KCNK16: variants seen among roughly 807,000 people sequenced by gnomAD.
KCNK16 encodes potassium channel subfamily K member 16.
A neutral mutation model predicts 23.0 loss-of-function variants in KCNK16; 23 were observed. The ratio of observed to expected loss-of-function variants is 1.00; its 90% CI spans 0.72 to 1.41. The LOEUF (loss-of-function observed/expected upper bound fraction) is 1.41. Ranked by LOEUF, KCNK16 falls within the 40% of genes most tolerant of loss-of-function variation. The pLI is 0.00. For missense variants in KCNK16, 327 were observed against 365.8 expected (o/e 0.89, Z 0.87); for synonymous variants, 145 against 153.5 (o/e 0.94, Z 0.41).
In KCNK16 at chr6:39,317,839, G is replaced by A. The variant is rs573155830; in HGVS notation, c.442C>T (p.Arg148Cys). ...IFLNHLGTGL[R>C]AHLAAIERWE... ...CTTTCAATGGCGGCCAGATGGGCAC[G>A]CAGCCCTGTGCCCAGGTGGTTGAGG... The change falls in exon 3 of 5, where the codon CGT (arginine) becomes TGT (cysteine). Residue 148 changes from arginine to cysteine, a missense_variant. Physicochemically the swap from Arg to Cys is radical, Grantham distance 180 (BLOSUM62 -3). Transcript: ENST00000437525. 2.1e-5 allele frequency: 34 copies of A among 1,612,388 alleles called. No individual in the cohort carries two copies. The highest frequency in any genetic ancestry group is 8.4e-5 in the Admixed American group (5 of 59,740).
intron 1 of KCNK16, among the ~76,000 whole-genome samples, chr6:39,321,199 A>G (rs1422688019): frequency 6.6e-6 from 1 of 152,146 alleles, no homozygotes; most frequent in African/African-American, 2.4e-5. Context: ...CAGTTCTAAC[A>G]GGCTCCCAGG....
chr6:39,314,639 C>A, downstream of KCNK16: 3 of 416,714 alleles, frequency 7.2e-6, no homozygotes, highest in Non-Finnish European at 1.3e-5. Flanking sequence ...GGGCCCAGAG[C>A]CCCCTCACAT....
At chr6:39,315,545 G>T, downstream of KCNK16, 2 of 923,870 alleles carry the variant, frequency 2.2e-6, no homozygotes, top group Non-Finnish European at 3.2e-6. Context: ...GGCGAGCTTT[G>T]AGAGGCAGCT....
rs780653953 is a variant in KCNK16 at position 39,322,566 on chromosome 6, C to T, written c.-26G>A. Reference sequence around the variant, plus strand: ...GCTGTGGCCAGGACCCTGCCAGGGCCGTGGGGCTGGCTATGGGGGAGAGGT... The same window carrying T: ...GCTGTGGCCAGGACCCTGCCAGGGCTGTGGGGCTGGCTATGGGGGAGAGGT... On this transcript the variant is annotated 5_prime_UTR_variant, in exon 1 of 5. Coordinates refer to ENST00000437525, the MANE Select transcript of KCNK16 (RefSeq NM_001135106.2). 71 of 1,561,504 alleles carry T rather than the reference C, an allele frequency of 4.5e-5. No homozygotes were observed. The highest frequency in any genetic ancestry group is 5.7e-5 in the Non-Finnish European group (66 of 1,158,186).
chr6:39,322,269 C>A, intron 1 of KCNK16, 59 bp downstream of exon 1: 1 of 1,572,206 alleles, frequency 6.4e-7, no homozygotes, highest in Non-Finnish European at 8.7e-7. Flanking sequence ...GCCACAGGAA[C>A]CCCATTCCAC....
chr6:39,318,198 G>C (rs1338989484), intron 2 of KCNK16, among the ~76,000 whole-genome samples: 1 of 152,174 alleles, frequency 6.6e-6, no homozygotes, highest in Non-Finnish European at 1.5e-5. Flanking sequence ...TCTCCCTTCT[G>C]GGTGTGGTTC....
chr6:39,316,947 C>G lies in KCNK16; in HGVS notation c.496G>C (p.Val166Leu), dbSNP rs763336111. ...RWEDRPRRSQ[V>L]LQVLGLALFL... is the part of the protein sequence containing the mutation. ...AGAGCCAGGCCCAGGACTTGCAGTA[C>G]CTAGGAGGGAGGGAGTTGGCCTCTG... The change falls in exon 4 of 5, where the codon GTA becomes CTA. Residue 166 changes from valine to leucine, a missense_variant and splice_region_variant. Val to Leu is a conservative substitution (Grantham distance 32, BLOSUM62 1). Coordinates refer to ENST00000437525, the MANE Select transcript of KCNK16 (RefSeq NM_001135106.2). 6.2e-7 allele frequency: 1 copy of G among 1,608,862 alleles called. No individual in the cohort carries two copies. Among genetic ancestry groups the G allele is most frequent in the Admixed American group, 1.7e-5 (1 of 59,270 alleles).
chr6:39,321,328 TG>T (rs1426826073), intron 1 of KCNK16, among the ~76,000 whole-genome samples: 1 of 152,350 alleles, frequency 6.6e-6, no homozygotes, highest in South Asian at 2.1e-4. Flanking sequence ...GCCAGAGGCC[TG>T]GGAGTGAATG....
Position 39,316,322 on chromosome 6 carries a change from C to T in KCNK16, c.782G>A (p.Cys261Tyr), listed in dbSNP as rs1455831528. ...LPLGPLLLHR[C>Y]CQLWLLSRGL... Reference sequence around the variant, plus strand: ...CCTACTGAGCAGCCAGAGCTGGCAGCATCTGTGCAGAAGCAGGGGGCCCAG... The same window carrying T: ...CCTACTGAGCAGCCAGAGCTGGCAGTATCTGTGCAGAAGCAGGGGGCCCAG... Residue 261 changes from cysteine to tyrosine, a missense_variant, in exon 5 of 5, where the codon TGC (cysteine) becomes TAC (tyrosine). Transcript: ENST00000437525. The T allele has an allele frequency of 6.2e-7, 1 of 1,610,336 alleles. No homozygotes were observed. The highest frequency in any genetic ancestry group is 8.5e-7 in the Non-Finnish European group (1 of 1,178,806).
At position 39,317,793 on chromosome 6, in the gene KCNK16, C is replaced by A. The variant is rs556042374; in HGVS notation, c.488G>T (p.Arg163Leu). Residue 163 changes from arginine (R) to leucine (L), a missense_variant, in exon 3 of 5, where the codon CGC (arginine) becomes CTC (leucine). Physicochemically the swap from Arg to Leu is moderately radical, Grantham distance 102 (BLOSUM62 -2). Coordinates refer to ENST00000437525, the MANE Select transcript of KCNK16 (RefSeq NM_001135106.2). Reference sequence around the variant, plus strand: ...GGGAGTTAGGGGGCATACCTGGGAGCGCCTGGGACGGTCCTCCCATCTTTC... The same window carrying A: ...GGGAGTTAGGGGGCATACCTGGGAGAGCCTGGGACGGTCCTCCCATCTTTC... ...AIERWEDRPRRSQVLQVLGLA... is the reference protein window; with the variant it reads ...AIERWEDRPRLSQVLQVLGLA... 11 of 1,592,778 alleles carry A rather than the reference C, an allele frequency of 6.9e-6. No homozygotes were observed. Among genetic ancestry groups the A allele is most frequent in the East Asian group, 4.5e-5 (2 of 44,252 alleles).
chr6:39,321,784 C>G (rs1036218324), intron 1 of KCNK16, among the ~76,000 whole-genome samples: 2 of 152,234 alleles, frequency 1.3e-5, no homozygotes, highest in Non-Finnish European at 2.9e-5. Context: ...CCATTGCCCA[C>G]CAAACCCAAC....
chr6:39,322,935 C>A (rs373070725), upstream of KCNK16: 13 of 183,278 alleles, frequency 7.1e-5, no homozygotes, highest in South Asian at 1.6e-3. Flanking sequence ...TGGGCTCTCT[C>A]GGCCGCCCCC....
At chr6:39,315,259 C>T, downstream of KCNK16, 1 of 1,601,248 alleles carries the variant, frequency 6.2e-7, no homozygotes, top group Non-Finnish European at 8.5e-7. Context: ...TGCAGTCTGG[C>T]AGGGGAAAGG....
At position 39,322,566 on chromosome 6, in the gene KCNK16, C is replaced by G; in HGVS notation, c.-26G>C. On this transcript the variant is annotated 5_prime_UTR_variant, in exon 1 of 5. Transcript: ENST00000437525. ...GCTGTGGCCAGGACCCTGCCAGGGC[C>G]GTGGGGCTGGCTATGGGGGAGAGGT... The G allele has an allele frequency of 6.4e-7, 1 of 1,561,622 alleles. No individual in the cohort carries two copies. Among genetic ancestry groups the G allele is most frequent in the Non-Finnish European group, 8.6e-7 (1 of 1,158,178 alleles).
In KCNK16 at chr6:39,316,439, G is replaced by A; in HGVS notation, c.665C>T (p.Thr222Ile). 2 of 1,596,778 alleles carry A rather than the reference G, an allele frequency of 1.3e-6. No homozygotes were observed. Among genetic ancestry groups the A allele is most frequent in the Non-Finnish European group, 1.7e-6 (2 of 1,168,088 alleles). ...TGAGATATAATGCTTGCTGGGGTCT[G>A]TGCCTGCCAGGGAAGGGAATGGCAT... The part of the protein sequence containing the change: ...TIGFGDYVVG[T>I]DPSKHYISVY... The change falls in exon 5 of 5, where the codon ACA becomes ATA. Residue 222 changes from threonine (T) to isoleucine (I), a missense_variant. Coordinates refer to ENST00000437525, the MANE Select transcript of KCNK16 (RefSeq NM_001135106.2).
intron 1 of KCNK16, 95 bp downstream of exon 1, chr6:39,322,233 A>T: frequency 6.6e-7 from 1 of 1,506,740 alleles, no homozygotes; most frequent in Non-Finnish European, 8.9e-7. Flanking sequence ...ATGGGGCATC[A>T]GCTCCTGGGT....
In KCNK16 at chr6:39,317,938, C is replaced by A. The variant is rs780647196; in HGVS notation, c.343G>T (p.Ala115Ser). Residue 115 changes from alanine (A) to serine (S), a missense_variant, in exon 3 of 5, where the codon GCA (alanine) becomes TCA (serine). Transcript: ENST00000437525. ...VVTTIGYGNLAPSTEAGQVFC... is the reference protein window; with the variant it reads ...VVTTIGYGNLSPSTEAGQVFC... Reference sequence around the variant, plus strand: ...ACCTGACCTGCCTCTGTGCTGGGTGCCAGGTTCCCATATCCTGCAAGGGAA... The same window carrying A: ...ACCTGACCTGCCTCTGTGCTGGGTGACAGGTTCCCATATCCTGCAAGGGAA... 1.7e-5 allele frequency: 28 copies of A among 1,606,584 alleles called. No homozygotes were observed. In the Admixed American group the frequency reaches 4.7e-4, roughly 27 times the overall value.
chr6:39,315,556 C>T (rs1441009895), downstream of KCNK16: 8 of 787,208 alleles, frequency 1.0e-5, no homozygotes, highest in Admixed American at 2.9e-5. Context: ...AGAGGCAGCT[C>T]GCCTGCCCCT....
At chr6:39,322,792 G>T, upstream of KCNK16, 1 of 523,984 alleles carries the variant, frequency 1.9e-6, no homozygotes, top group Middle Eastern at 5.0e-4. Flanking sequence ...ACAGCAGCAA[G>T]TCAGTGTCAG....
Sources: allele counts gnomAD v4.1 joint callset (sites outside exome capture counted in the v4.1 genomes callset), GRCh38; gene constraint gnomAD v4.1.1; transcripts MANE v1.5; gene names NCBI Gene and HGNC (gene_info 2026-07-23, HGNC 2026-07-21).